The following PRKG1 variants were observed in gnomAD, a reference collection of about 807,000 sequenced individuals.
The protein encoded by PRKG1 is protein kinase cGMP-dependent 1, also known as cGMP-dependent protein kinase 1.
A neutral mutation model predicts 88.1 loss-of-function variants in PRKG1; 35 were observed. The ratio of observed to expected loss-of-function variants is 0.40; its 90% CI spans 0.30 to 0.53. The LOEUF (loss-of-function observed/expected upper bound fraction) is 0.53, where lower values mean the gene tolerates loss of function less well. Ranked by LOEUF, PRKG1 falls within the 20% of genes least tolerant of loss-of-function variation. PRKG1 has a pLI of 0.59. For missense variants in PRKG1, 540 were observed against 839.8 expected, an observed-to-expected ratio of 0.64 and a Z score of 4.41; for synonymous variants, 303 against 292.5, an observed-to-expected ratio of 1.04 and a Z score of -0.37.
intron 4 of PRKG1, among the ~76,000 whole-genome samples, chr10:51,818,851 CA>C (rs1271011873): frequency 1.5e-5 from 2 of 129,288 alleles, no homozygotes; most frequent in East Asian, 2.2e-4. Context: ...ACTAAAAATA[CA>C]AAAAATTAGC....
intron 3 of PRKG1, among the ~76,000 whole-genome samples, chr10:51,553,369 G>A (rs1837190550): frequency 6.6e-6 from 1 of 151,700 alleles, no homozygotes; most frequent in African/African-American, 2.4e-5. Context: ...TGGGAAAATA[G>A]TATAGGTGGT....
intron 1 of PRKG1, among the ~76,000 whole-genome samples, chr10:51,002,312 G>A (rs116300820): frequency 0.017 from 2,570 of 152,194 alleles, 37 homozygotes; most frequent in South Asian, 0.04. Context: ...CTCATAATAG[G>A]TTGCTTGATC....
At chr10:51,358,217 G>A (rs911511500) in intron 2 of PRKG1, among the ~76,000 whole-genome samples, 9 of 151,842 alleles carry the variant, frequency 5.9e-5, no homozygotes, top group African/African-American at 2.4e-5. Context: ...TGGCAAATAG[G>A]TGCTGTTGGC....
chr10:52,239,391 G>A (rs1234125010), intron 9 of PRKG1, among the ~76,000 whole-genome samples: 3 of 146,720 alleles, frequency 2.0e-5, no homozygotes, highest in Non-Finnish European at 4.5e-5. Context: ...ATTTTAATTG[G>A]TTATGGTTTT....
chr10:52,156,003 G>T (rs1417017577), intron 8 of PRKG1, among the ~76,000 whole-genome samples: 2 of 151,840 alleles, frequency 1.3e-5, no homozygotes, highest in African/African-American at 4.8e-5. Flanking sequence ...ATTTTCAAAT[G>T]GTGGTACCTT....
At chr10:51,937,585 A>G (rs1217601336) in intron 5 of PRKG1, among the ~76,000 whole-genome samples, 1 of 152,080 alleles carries the variant, frequency 6.6e-6, no homozygotes, top group Non-Finnish European at 1.5e-5. Context: ...GATTCTCTGA[A>G]CTGCCTGTTT....
chr10:51,260,003 T>C (rs1839662848), intron 2 of PRKG1, among the ~76,000 whole-genome samples: 1 of 152,238 alleles, frequency 6.6e-6, no homozygotes, highest in African/African-American at 2.4e-5. Context: ...TTGGTGTTTT[T>C]CTATATATGT....
At chr10:51,738,542 A>G (rs1326882781) in intron 3 of PRKG1, among the ~76,000 whole-genome samples, 1 of 152,140 alleles carries the variant, frequency 6.6e-6, no homozygotes, top group Non-Finnish European at 1.5e-5. Flanking sequence ...ATGTTTTGCT[A>G]ATTTGTTTTG....
At chr10:51,361,404 A>G (rs1357975405) in intron 2 of PRKG1, among the ~76,000 whole-genome samples, 1 of 151,916 alleles carries the variant, frequency 6.6e-6, no homozygotes, top group East Asian at 1.9e-4. Flanking sequence ...CTTAATTGAC[A>G]CCCACATAAG....
intron 2 of PRKG1, among the ~76,000 whole-genome samples, chr10:51,378,535 T>C (rs987426815): frequency 1.3e-5 from 2 of 152,200 alleles, no homozygotes; most frequent in African/African-American, 4.8e-5. Context: ...TTGTAATTAA[T>C]AGAAGAGGAG....
chr10:51,590,813 T>TG lies in PRKG1; in HGVS notation c.592+122985dup, dbSNP rs10714818. 7.1e-3 allele frequency among the ~76,000 whole-genome samples: 1,050 copies of TG among 147,580 alleles called. 6 individuals are homozygous for TG. The highest frequency in any genetic ancestry group is 0.019 in the African/African-American group (781 of 40,422). On this transcript the variant is annotated intron_variant, in intron 3 of 17. Transcript: ENST00000373980. ...TCTTCTGTAACCTACCATTTCGATA[T>TG]GGGGGGGGTGGGGTGGTATTGCAAC...
intron 2 of PRKG1, among the ~76,000 whole-genome samples, chr10:51,206,436 G>C (rs1398722702): frequency 6.6e-6 from 1 of 151,118 alleles, no homozygotes; most frequent in African/African-American, 2.4e-5. Flanking sequence ...AGGATGTAGT[G>C]AGCCGAGATC....
intron 3 of PRKG1, among the ~76,000 whole-genome samples, chr10:51,525,637 G>T (rs556541917): frequency 1.3e-5 from 2 of 152,288 alleles, no homozygotes; most frequent in African/African-American, 4.8e-5. Flanking sequence ...GGCAGAGCTT[G>T]CAGTGATCTG....
chr10:51,148,748 T>A (rs955285295), intron 1 of PRKG1, among the ~76,000 whole-genome samples: 5 of 152,164 alleles, frequency 3.3e-5, no homozygotes, highest in Non-Finnish European at 7.4e-5. Flanking sequence ...GTTTCAATTA[T>A]AAAACTCCCT....
chr10:51,840,562 T>TTTAC lies in PRKG1; in HGVS notation c.698+35873_698+35874insTACT, dbSNP rs981692507. Among the ~76,000 whole-genome samples, 639 of 142,082 alleles carry TTTAC rather than the reference T, an allele frequency of 4.5e-3. 2 individuals carry two copies. The highest frequency in any genetic ancestry group is 7.0e-3 in the Non-Finnish European group (450 of 64,596). 93.2% of individuals were successfully genotyped at this position (142,082 alleles called of 152,430 possible). A position where few individuals can be genotyped will look rare whatever the true frequency, so the allele number is the denominator to read the frequency against. The stretch of plus-strand genomic sequence containing the variant: ...ATTTATTTATTTATTTATTTATTTA[T>TTTAC]TGAGACAAAGTCTCCCTTTTGTCAC... On this transcript the variant is annotated intron_variant, in intron 4 of 17. Transcript: ENST00000373980.
At chr10:51,227,063 C>G (rs1230185746) in intron 2 of PRKG1, among the ~76,000 whole-genome samples, 1 of 151,766 alleles carries the variant, frequency 6.6e-6, no homozygotes, top group African/African-American at 2.4e-5. Context: ...GAGGAAATCT[C>G]TCACCTTTGA....
intron 2 of PRKG1, among the ~76,000 whole-genome samples, chr10:51,350,833 GTA>G (rs1327148207): frequency 6.6e-6 from 1 of 152,074 alleles, no homozygotes; most frequent in Non-Finnish European, 1.5e-5. Context: ...TGCTGCACAG[GTA>G]TACGCGTGCC....
chr10:51,394,902 T>C (rs928161080), intron 2 of PRKG1, among the ~76,000 whole-genome samples: 4 of 152,212 alleles, frequency 2.6e-5, no homozygotes, highest in African/African-American at 9.6e-5. Context: ...CCACACTTTT[T>C]TGATATATAT....
chr10:51,773,560 T>A (rs181819334), intron 3 of PRKG1, among the ~76,000 whole-genome samples: 16 of 152,184 alleles, frequency 1.1e-4, no homozygotes, highest in Admixed American at 9.8e-4. Context: ...ATACTAGGGA[T>A]CAAAACCAGA....
Sources: gnomAD v4.1 joint callset for allele counts (sites outside exome capture counted in the v4.1 genomes callset) on GRCh38, gnomAD v4.1.1 for gene constraint, MANE v1.5 for transcripts, NCBI Gene and HGNC (gene_info 2026-07-23, HGNC 2026-07-21) for gene names.